Variants in TCERG1L observed in about 807,000 individuals in gnomAD.
The protein encoded by TCERG1L is transcription elongation regulator 1-like protein.
A neutral mutation model predicts 56.3 loss-of-function variants in TCERG1L; 37 were observed. That is an observed-to-expected ratio of 0.66 (90% CI 0.51 to 0.87). The LOEUF (loss-of-function observed/expected upper bound fraction) is 0.87. Ranked by LOEUF, TCERG1L falls within the 40% of genes least tolerant of loss-of-function variation. TCERG1L has a pLI of 0.00. For synonymous variants in TCERG1L, 324 were observed against 326.3 expected (o/e 0.99, Z 0.08); for missense variants, 799 against 774.2 (o/e 1.03, Z -0.38).
chr10:131,256,283 C>G (rs926965302), intron 4 of TCERG1L, among the ~76,000 whole-genome samples: 3 of 152,182 alleles, frequency 2.0e-5, no homozygotes, highest in African/African-American at 7.2e-5. Context: ...ACATGAAAGG[C>G]TGCGTGGTAG....
At chr10:131,154,989 G>T (rs1033714973) in intron 6 of TCERG1L, among the ~76,000 whole-genome samples, 1 of 152,178 alleles carries the variant, frequency 6.6e-6, no homozygotes, top group Non-Finnish European at 1.5e-5. Flanking sequence ...AGGCGCTGGC[G>T]GCTGCTGCAC....
chr10:131,094,939 AAAG>A (rs552850723), intron 11 of TCERG1L, among the ~76,000 whole-genome samples: 8 of 152,342 alleles, frequency 5.3e-5, no homozygotes, highest in African/African-American at 1.9e-4. Flanking sequence ...GCCTCTCTGA[AAAG>A]AAGAGTCCCT....
At chr10:131,178,664 G>C (rs1431161812) in intron 4 of TCERG1L, among the ~76,000 whole-genome samples, 3 of 152,124 alleles carry the variant, frequency 2.0e-5, no homozygotes, top group Non-Finnish European at 4.4e-5. Flanking sequence ...ATGTGGTCTC[G>C]CCTGTGGGTT....
At chr10:131,291,630 GT>G (rs1295899262) in intron 3 of TCERG1L, among the ~76,000 whole-genome samples, 1 of 151,286 alleles carries the variant, frequency 6.6e-6, no homozygotes, top group Admixed American at 6.6e-5. Flanking sequence ...GTTTCACCGT[GT>G]TAGCCAAGGT....
chr10:131,260,904 G>T lies in TCERG1L; in HGVS notation c.671-460C>A, dbSNP rs1311114499. ...CAGCTGTGGGCCAGGGTGGAGAGAG[G>T]TTTCCAGAGGACACCAGGCTCAGCT... On this transcript the variant is annotated intron_variant, in intron 3 of 11. Coordinates refer to ENST00000368642, the MANE Select transcript of TCERG1L (RefSeq NM_174937.4). This position sits in a 1 kb window ranked among gnomAD's most constrained non-coding sequence, Gnocchi z 5.8. Among the ~76,000 whole-genome samples, 1 of 152,212 alleles carries T rather than the reference G, an allele frequency of 6.6e-6. No individual in the cohort carries two copies. Among genetic ancestry groups the T allele is most frequent in the Non-Finnish European group, 1.5e-5 (1 of 68,042 alleles).
intron 4 of TCERG1L, among the ~76,000 whole-genome samples, chr10:131,225,480 C>A (rs1168230636): frequency 6.6e-6 from 1 of 152,172 alleles, no homozygotes; most frequent in Non-Finnish European, 1.5e-5. Context: ...ATCCAGGACA[C>A]CAGCTGGAGG....
At chr10:131,146,321 A>C (rs2133414402) in intron 7 of TCERG1L, among the ~76,000 whole-genome samples, 185 bp downstream of exon 7, 1 of 152,382 alleles carries the variant, frequency 6.6e-6, no homozygotes, top group South Asian at 2.1e-4. Context: ...ACCGCTTGGA[A>C]GGATCAAGGT....
intron 3 of TCERG1L, among the ~76,000 whole-genome samples, chr10:131,292,266 AC>A (rs1455268663): frequency 2.6e-5 from 4 of 152,192 alleles, no homozygotes; most frequent in Non-Finnish European, 5.9e-5. Context: ...AATGGCTGTT[AC>A]ATTTGCATTT....
At chr10:131,224,274 G>C (rs913396922) in intron 4 of TCERG1L, among the ~76,000 whole-genome samples, 1 of 152,096 alleles carries the variant, frequency 6.6e-6, no homozygotes. Flanking sequence ...CAGCCGAAGT[G>C]TGCTGACCCT....
Position 131,244,127 on chromosome 10 carries a change from A to G in TCERG1L, c.856+16132T>C, listed in dbSNP as rs989628487. On this transcript the variant is annotated intron_variant, in intron 4 of 11. Coordinates refer to ENST00000368642, the MANE Select transcript of TCERG1L (RefSeq NM_174937.4). ...TATAAAGGAAAAGTTAACTCGCAAAAACGCAAGACATAAAATAAAAGTGCA... is the reference window on the plus strand; with the variant it reads ...TATAAAGGAAAAGTTAACTCGCAAAGACGCAAGACATAAAATAAAAGTGCA... Among the ~76,000 whole-genome samples the G allele has an allele frequency of 2.6e-5, 4 of 152,232 alleles. No homozygotes were observed. The South Asian group carries it at 8.3e-4, about 32-fold the overall frequency.
chr10:131,230,581 T>C (rs1845839508), intron 4 of TCERG1L, among the ~76,000 whole-genome samples: 1 of 152,218 alleles, frequency 6.6e-6, no homozygotes, highest in African/African-American at 2.4e-5. Flanking sequence ...CAGGAGAGGC[T>C]GAGTCAAATC....
intron 9 of TCERG1L, among the ~76,000 whole-genome samples, chr10:131,109,432 ATGTCTGTGACTGTGGCTG>A (rs984929130): frequency 7.2e-5 from 11 of 151,938 alleles, no homozygotes; most frequent in South Asian, 2.1e-4. Flanking sequence ...GACCGTGACC[ATGTCTGTGACTGTGGCTG>A]TGTCTGTGAC....
At chr10:131,159,001 C>T (rs1845950728) in intron 6 of TCERG1L, among the ~76,000 whole-genome samples, 1 of 152,222 alleles carries the variant, frequency 6.6e-6, no homozygotes, top group Non-Finnish European at 1.5e-5. Flanking sequence ...CGACCCCTGC[C>T]CACCATCCTT....
intron 4 of TCERG1L, among the ~76,000 whole-genome samples, chr10:131,206,509 G>A (rs997926028): frequency 6.6e-6 from 1 of 152,210 alleles, no homozygotes; most frequent in Non-Finnish European, 1.5e-5. Flanking sequence ...TGGAACAAGC[G>A]CCCCTCGTGG....
At chr10:131,246,410 T>C (rs12413845) in intron 4 of TCERG1L, among the ~76,000 whole-genome samples, 42,913 of 151,912 alleles carry the variant, frequency 0.28, 6,322 homozygotes, top group South Asian at 0.46. Flanking sequence ...GGTCTGCTGG[T>C]CAGGCCAGGG....
chr10:131,264,422 C>G (rs1274882010), intron 3 of TCERG1L, among the ~76,000 whole-genome samples: 3 of 152,200 alleles, frequency 2.0e-5, no homozygotes, highest in African/African-American at 7.2e-5. Flanking sequence ...CAAACAGATA[C>G]AGAGAAGCCA....
At chr10:131,121,047 G>C (rs986319643) in intron 8 of TCERG1L, among the ~76,000 whole-genome samples, 5 of 152,256 alleles carry the variant, frequency 3.3e-5, no homozygotes, top group African/African-American at 9.6e-5. Context: ...GTCAGTGCCA[G>C]AGGGGCTTCT....
chr10:131,097,488 C>T (rs1246623090), intron 11 of TCERG1L, among the ~76,000 whole-genome samples: 2 of 152,130 alleles, frequency 1.3e-5, no homozygotes, highest in Non-Finnish European at 1.5e-5. Flanking sequence ...GCTGGGACTA[C>T]AGGCACCCAC....
intron 4 of TCERG1L, among the ~76,000 whole-genome samples, chr10:131,188,031 G>C (rs1223191429): frequency 6.6e-6 from 1 of 152,148 alleles, no homozygotes; most frequent in African/African-American, 2.4e-5. Context: ...CCTCTCCTTG[G>C]CTTGGTCCCC....
Sources: allele counts gnomAD v4.1 joint callset (sites outside exome capture counted in the v4.1 genomes callset), GRCh38; gene constraint gnomAD v4.1.1; non-coding constraint Gnocchi (gnomAD v3.1); transcripts MANE v1.5; gene names NCBI Gene and HGNC (gene_info 2026-07-23, HGNC 2026-07-21).